Variants in LHFPL3 observed in about 807,000 individuals in gnomAD.
The protein encoded by LHFPL3 is LHFPL tetraspan subfamily member 3.
In LHFPL3, 5 loss-of-function variants were observed where a neutral mutation model predicts 19.3. That is an observed-to-expected ratio of 0.26 (90% CI 0.14 to 0.54). The LOEUF is 0.54. Among genes scored for constraint, LHFPL3 ranks in the 20% least tolerant of loss-of-function variants. LHFPL3 has a pLI of 0.94. For missense variants in LHFPL3, 249 were observed against 307.4 expected (o/e 0.81, Z 1.42); for synonymous variants, 133 against 126.2 (o/e 1.05, Z -0.36).
intron 1 of LHFPL3, among the ~76,000 whole-genome samples, chr7:104,397,690 C>A (rs1445209287): frequency 6.6e-6 from 1 of 152,158 alleles, no homozygotes; most frequent in Admixed American, 6.5e-5. Flanking sequence ...CAGCAAACAC[C>A]TCCTGAGTAT....
At chr7:104,799,184 T>A (rs193293967) in intron 2 of LHFPL3, among the ~76,000 whole-genome samples, 3 of 152,328 alleles carry the variant, frequency 2.0e-5, no homozygotes, top group Non-Finnish European at 2.9e-5. Flanking sequence ...AATGCAGTCA[T>A]CATTCCCTAC....
chr7:104,853,975 G>A (rs1296743935), intron 2 of LHFPL3, among the ~76,000 whole-genome samples: 3 of 152,158 alleles, frequency 2.0e-5, no homozygotes, highest in African/African-American at 7.2e-5. Context: ...GCAAAGAGGT[G>A]CTTGCATTTA....
At chr7:104,596,589 T>G in intron 1 of LHFPL3, among the ~76,000 whole-genome samples, 1 of 152,220 alleles carries the variant, frequency 6.6e-6, no homozygotes, top group East Asian at 1.9e-4. Context: ...TCTATCTGTG[T>G]GTTTCAAGAT....
At chr7:104,613,847 GTATT>G (rs1791256817) in intron 1 of LHFPL3, among the ~76,000 whole-genome samples, 1 of 152,306 alleles carries the variant, frequency 6.6e-6, no homozygotes, top group East Asian at 1.9e-4. Context: ...AGGCTGGAGA[GTATT>G]TAAGCACTGG....
chr7:104,435,972 A>C (rs1407606930), intron 1 of LHFPL3, among the ~76,000 whole-genome samples: 1 of 152,124 alleles, frequency 6.6e-6, no homozygotes, highest in East Asian at 1.9e-4. Flanking sequence ...ATTTGCATTT[A>C]AGTGTGAGAA....
intron 2 of LHFPL3, among the ~76,000 whole-genome samples, chr7:104,814,553 C>T (rs1220969374): frequency 6.6e-6 from 1 of 152,206 alleles, no homozygotes; most frequent in African/African-American, 2.4e-5. Context: ...TCCCAGCCTT[C>T]AGGTCCTCCC....
chr7:104,874,861 T>TC (rs1245775747), intron 2 of LHFPL3, among the ~76,000 whole-genome samples: 1 of 151,894 alleles, frequency 6.6e-6, no homozygotes, highest in East Asian at 1.9e-4. Flanking sequence ...TTTTCCTTTT[T>TC]TTTTTTTAAG....
intron 1 of LHFPL3, among the ~76,000 whole-genome samples, chr7:104,462,593 T>C (rs879157654): frequency 6.6e-6 from 1 of 152,260 alleles, no homozygotes; most frequent in Non-Finnish European, 1.5e-5. Context: ...GAAGCCTATT[T>C]GATCATGGTG....
chr7:104,581,738 G>C (rs1790464988), intron 1 of LHFPL3, among the ~76,000 whole-genome samples: 1 of 151,786 alleles, frequency 6.6e-6, no homozygotes, highest in Non-Finnish European at 1.5e-5. Context: ...TTTTGAAAAG[G>C]CTTTCTTTTC....
At chr7:104,872,634 G>T (rs1249372727) in intron 2 of LHFPL3, among the ~76,000 whole-genome samples, 1 of 151,730 alleles carries the variant, frequency 6.6e-6, no homozygotes, top group Non-Finnish European at 1.5e-5. Flanking sequence ...AACAGAGTGA[G>T]AGTCCATCTC....
At chr7:104,337,009 C>T (rs1298357292) in intron 1 of LHFPL3, among the ~76,000 whole-genome samples, 2 of 152,032 alleles carry the variant, frequency 1.3e-5, no homozygotes, top group South Asian at 2.1e-4. Flanking sequence ...GTACAGAATG[C>T]ATCACAGGCC....
rs1801518558 is a variant in LHFPL3 at position 104,329,006 on chromosome 7, T to A, written c.227T>A (p.Phe76Tyr). Residue 76 changes from phenylalanine (F) to tyrosine (Y), a missense_variant, in exon 1 of 3, where the codon TTC becomes TAC. Coordinates refer to ENST00000424859, the MANE Select transcript of LHFPL3 (RefSeq NM_199000.3). ...DTPQAGYFGL[F>Y]HYCIGNGFSR... ...CCGCAAGCCGGCTATTTCGGGCTCTTCCACTACTGCATCGGCAACGGCTTC... is the reference window on the plus strand; with the variant it reads ...CCGCAAGCCGGCTATTTCGGGCTCTACCACTACTGCATCGGCAACGGCTTC... 6.2e-7 allele frequency: 1 copy of A among 1,614,100 alleles called. No individual in the cohort carries two copies. Among genetic ancestry groups the A allele is most frequent in the East Asian group, 2.2e-5 (1 of 44,856 alleles).
At chr7:104,443,923 C>T (rs1792276198) in intron 1 of LHFPL3, among the ~76,000 whole-genome samples, 1 of 152,218 alleles carries the variant, frequency 6.6e-6, no homozygotes, top group Non-Finnish European at 1.5e-5. Flanking sequence ...TTATCAAAGT[C>T]TAGCACCTTA....
At chr7:104,589,923 A>T (rs1484388632) in intron 1 of LHFPL3, among the ~76,000 whole-genome samples, 1 of 152,082 alleles carries the variant, frequency 6.6e-6, no homozygotes, top group Non-Finnish European at 1.5e-5. Flanking sequence ...GTATTCTCTG[A>T]TGGTAGTTTG....
chr7:104,384,562 G>GTTTGA (rs1790895966), intron 1 of LHFPL3, among the ~76,000 whole-genome samples: 1 of 151,756 alleles, frequency 6.6e-6, no homozygotes, highest in South Asian at 2.1e-4. Context: ...CGAGGCGGGT[G>GTTTGA]GATCACCTGA....
chr7:104,446,666 C>G (rs1792335788), intron 1 of LHFPL3, among the ~76,000 whole-genome samples: 1 of 152,128 alleles, frequency 6.6e-6, no homozygotes, highest in Admixed American at 6.6e-5. Context: ...ACCTCTACCT[C>G]CGGGGTTCAA....
chr7:104,380,013 A>G (rs1790797602), intron 1 of LHFPL3, among the ~76,000 whole-genome samples: 1 of 152,110 alleles, frequency 6.6e-6, no homozygotes, highest in Non-Finnish European at 1.5e-5. Flanking sequence ...GTAAAGTCTT[A>G]TCTGTTTCAC....
intron 1 of LHFPL3, among the ~76,000 whole-genome samples, chr7:104,543,116 A>C (rs184185592): frequency 5.4e-4 from 82 of 152,286 alleles, no homozygotes; most frequent in African/African-American, 1.7e-3. Context: ...GAACACATGG[A>C]CACAGGGAGG....
At chr7:104,603,163 CT>C (rs1486742420) in intron 1 of LHFPL3, among the ~76,000 whole-genome samples, 191 of 6,176 alleles carry the variant, frequency 0.031, no homozygotes, top group South Asian at 0.23. Flanking sequence ...TCCTTCCTTC[CT>C]TTCTTTCTTT....
Sources: gnomAD v4.1 joint callset for allele counts (sites outside exome capture counted in the v4.1 genomes callset) on GRCh38, gnomAD v4.1.1 for gene constraint, MANE v1.5 for transcripts, NCBI Gene and HGNC (gene_info 2026-07-23, HGNC 2026-07-21) for gene names.